The following FIBIN variants were observed in gnomAD, a reference collection of about 807,000 sequenced individuals.
FIBIN encodes the protein fin bud initiation factor homolog (zebrafish).
FIBIN carries 8 observed loss-of-function variants against 13.0 expected under a neutral mutation model. The ratio of observed to expected loss-of-function variants is 0.62; its 90% CI spans 0.36 to 1.11. The LOEUF (loss-of-function observed/expected upper bound fraction) is 1.11, where lower values mean the gene tolerates loss of function less well. Among genes scored for constraint, FIBIN ranks in the 50% most tolerant of loss-of-function variants. The pLI is 0.02. For synonymous variants in FIBIN, 127 were observed against 114.7 expected, an observed-to-expected ratio of 1.11 and a Z score of -0.69; for missense variants, 261 against 260.2, an observed-to-expected ratio of 1.00 and a Z score of -0.02.
chr11:26,994,655 TGAG>T lies in FIBIN; in HGVS notation c.133_135del (p.Glu45del). The T allele has an allele frequency of 6.2e-7, 1 of 1,613,824 alleles. No homozygotes were observed. The highest frequency in any genetic ancestry group is 8.5e-7 in the Non-Finnish European group (1 of 1,179,964). The stretch of plus-strand genomic sequence containing the variant: ...ACTACTTCGTGCCCGATGGGGACTA[TGAG>T]GAGAACGATGACCCCGAGAAGTGCC... On this transcript the variant is annotated inframe_deletion, in exon 1 of 1. Transcript: ENST00000318627.
chr11:26,994,918 C>A lies in FIBIN; in HGVS notation c.392C>A (p.Ser131Tyr). ...TCCCACCAGATCGGGGATGCCTACT[C>A]CAACTCGGACAAATCCCTCACTGAG... ...RESHQIGDAY[S>Y]NSDKSLTELE... is the part of the protein sequence containing the mutation. Residue 131 changes from serine to tyrosine, a missense_variant, in exon 1 of 1, where the codon TCC becomes TAC. Transcript: ENST00000318627. The A allele has an allele frequency of 6.2e-7, 1 of 1,608,378 alleles. No homozygotes were observed. Among genetic ancestry groups the A allele is most frequent in the Non-Finnish European group, 8.5e-7 (1 of 1,176,934 alleles).
rs115913528 is a variant in FIBIN at position 26,996,394 on chromosome 11, A to G, written c.*1232A>G. 8.5e-3 allele frequency among the ~76,000 whole-genome samples: 1,297 copies of G among 152,268 alleles called. 18 individuals are homozygous for G. The highest frequency in any genetic ancestry group is 0.029 in the African/African-American group (1,226 of 41,562). On this transcript the variant is annotated 3_prime_UTR_variant, in exon 1 of 1. Coordinates refer to ENST00000318627, the MANE Select transcript of FIBIN (RefSeq NM_203371.2). ...TTCTCCAGTTTCTCTCATAAATTCA[A>G]TTGCAAAAGTTTCTGACAAGGCTCA... is the stretch of plus-strand genomic sequence containing the variant.
rs1438970418 is a variant in FIBIN, at chr11:26,995,180, C to T, written c.*18C>T. The T allele has an allele frequency of 6.4e-7, 1 of 1,563,294 alleles. No individual in the cohort carries two copies. The highest frequency in any genetic ancestry group is 1.9e-5 in the Admixed American group (1 of 53,260). ...AAGTATAGGTGGAAGGATACAAATG[C>T]TAGAAAGAGGGAATCAAATCAGCCC... On this transcript the variant is annotated 3_prime_UTR_variant, in exon 1 of 1. Coordinates refer to ENST00000318627, the MANE Select transcript of FIBIN (RefSeq NM_203371.2).
Position 26,995,258 on chromosome 11 carries a change from TA to T in FIBIN, c.*97del. On this transcript the variant is annotated 3_prime_UTR_variant, in exon 1 of 1. Coordinates refer to ENST00000318627, the MANE Select transcript of FIBIN (RefSeq NM_203371.2). ...GGGGCTACATTTCCCCCATACCTAC[TA>T]TTTTTTTATATCCCGATTTGCACTT... is the stretch of plus-strand genomic sequence containing the variant. 1 of 1,212,418 alleles carries T rather than the reference TA, an allele frequency of 8.2e-7. No homozygotes were observed. Among genetic ancestry groups the T allele is most frequent in the Non-Finnish European group, 1.1e-6 (1 of 876,654 alleles). 75.1% of individuals were successfully genotyped at this position (1,212,418 alleles called of 1,614,324 possible).
chr11:26,996,932 C>T lies in FIBIN; in HGVS notation c.*1770C>T, dbSNP rs1850938756. Among the ~76,000 whole-genome samples the T allele has an allele frequency of 6.6e-6, 1 of 152,138 alleles. No individual in the cohort carries two copies. Among genetic ancestry groups the T allele is most frequent in the Admixed American group, 6.5e-5 (1 of 15,270 alleles). On this transcript the variant is annotated 3_prime_UTR_variant, in exon 1 of 1. Transcript: ENST00000318627. ...TTACTGTACTTAAAATCAATTATAA[C>T]TTCTTTTTGTTACTCAGGGCCCCAC...
In FIBIN at chr11:26,994,373, A is replaced by G; in HGVS notation, c.-154A>G. 1 of 681,534 alleles carries G rather than the reference A, an allele frequency of 1.5e-6. No individual in the cohort carries two copies. Among genetic ancestry groups the G allele is most frequent in the Non-Finnish European group, 2.4e-6 (1 of 415,720 alleles). 42.2% of individuals were successfully genotyped at this position (681,534 alleles called of 1,614,324 possible). ...GACGCTGGTGTGCAGAGCCACATGA[A>G]GCCTGCTGGGGACTGGGGGCCAGGG... On this transcript the variant is annotated 5_prime_UTR_variant, in exon 1 of 1. Transcript: ENST00000318627.
rs1850922074 is a variant in FIBIN, at chr11:26,995,885, A to G, written c.*723A>G. 6.0e-6 allele frequency: 1 copy of G among 167,012 alleles called. No homozygotes were observed. The highest frequency in any genetic ancestry group is 2.1e-4 in the South Asian group (1 of 4,824). The allele number at this position is 167,012 out of a possible 1,614,324, so 10.3% of individuals were successfully genotyped here. On this transcript the variant is annotated 3_prime_UTR_variant, in exon 1 of 1. Coordinates refer to ENST00000318627, the MANE Select transcript of FIBIN (RefSeq NM_203371.2). ...CTGATATGCTGATTTGCTCTTTCTC[A>G]TTGTATGTCTATGCTTTGTCATCAG...
rs529224418 is a variant in FIBIN, at chr11:26,996,026, T to C, written c.*864T>C. Reference sequence around the variant, plus strand: ...TGGGGTTTTGCTTCTGTCTGTCTGTTTATTGGAAACTTGTACTTCAAGTAG... The same window carrying C: ...TGGGGTTTTGCTTCTGTCTGTCTGTCTATTGGAAACTTGTACTTCAAGTAG... On this transcript the variant is annotated 3_prime_UTR_variant, in exon 1 of 1. Coordinates refer to ENST00000318627, the MANE Select transcript of FIBIN (RefSeq NM_203371.2). 6.0e-6 allele frequency: 1 copy of C among 166,682 alleles called. No homozygotes were observed. The highest frequency in any genetic ancestry group is 1.9e-4 in the East Asian group (1 of 5,190). The allele number at this position is 166,682 out of a possible 1,614,324, so 10.3% of individuals were successfully genotyped here. A position where few individuals can be genotyped will look rare whatever the true frequency, so the allele number is the denominator to read the frequency against.
Position 26,994,539 on chromosome 11 carries a change from A to G in FIBIN, c.13A>G (p.Lys5Glu), listed in dbSNP as rs768707994. MVFL[K>E]FFCMSFFCHL... ...CTGAATATCCAGAATGGTGTTTCTG[A>G]AGTTCTTCTGCATGAGTTTCTTCTG... Residue 5 changes from lysine to glutamate, a missense_variant, in exon 1 of 1, where the codon AAG becomes GAG. Transcript: ENST00000318627. 25 of 1,604,348 alleles carry G rather than the reference A, an allele frequency of 1.6e-5. No homozygotes were observed. In the Admixed American group the frequency reaches 2.4e-4, roughly 15 times the overall value.
In FIBIN at chr11:26,995,986, G is replaced by A. The variant is rs1454733772; in HGVS notation, c.*824G>A. 1.2e-5 allele frequency: 2 copies of A among 166,262 alleles called. No individual in the cohort carries two copies. The highest frequency in any genetic ancestry group is 2.4e-5 in the African/African-American group (1 of 41,456). 10.3% of individuals were successfully genotyped at this position (166,262 alleles called of 1,614,324 possible). ...AATGCCTATGATTTAGGTTACCAAT[G>A]TATTCTTTCTCATTTGGGGTTTTGC... On this transcript the variant is annotated 3_prime_UTR_variant, in exon 1 of 1. Transcript: ENST00000318627.
In FIBIN at chr11:26,995,458, C is replaced by T. The variant is rs1850916978; in HGVS notation, c.*296C>T. 2.1e-5 allele frequency: 6 copies of T among 291,596 alleles called. No homozygotes were observed. In the East Asian group the frequency reaches 3.9e-4, roughly 19 times the overall value. The allele number at this position is 291,596 out of a possible 1,614,324, so 18.1% of individuals were successfully genotyped here. ...GGGTTTCTAATTCTGCAGAGACACCCGTTTCAGCCACATCTAAAAGAGCAC... is the reference window on the plus strand; with the variant it reads ...GGGTTTCTAATTCTGCAGAGACACCTGTTTCAGCCACATCTAAAAGAGCAC... On this transcript the variant is annotated 3_prime_UTR_variant, in exon 1 of 1. Transcript: ENST00000318627.
chr11:26,996,710 C>T lies in FIBIN; in HGVS notation c.*1548C>T, dbSNP rs532774189. 1.6e-4 allele frequency among the ~76,000 whole-genome samples: 25 copies of T among 152,232 alleles called. No homozygotes were observed. In the East Asian group the frequency reaches 4.0e-3, roughly 25 times the overall value. On this transcript the variant is annotated 3_prime_UTR_variant, in exon 1 of 1. Coordinates refer to ENST00000318627, the MANE Select transcript of FIBIN (RefSeq NM_203371.2). Reference sequence around the variant, plus strand: ...TCCCTTGAATAAGAAAATAAGTTTTCCATTCCTATGAACTGTCTAATATCT... The same window carrying T: ...TCCCTTGAATAAGAAAATAAGTTTTTCATTCCTATGAACTGTCTAATATCT...
At position 26,994,439 on chromosome 11, in the gene FIBIN, G is replaced by A; in HGVS notation, c.-88G>A. On this transcript the variant is annotated 5_prime_UTR_variant, in exon 1 of 1. Coordinates refer to ENST00000318627, the MANE Select transcript of FIBIN (RefSeq NM_203371.2). ...GGGACTGAGGCGGACGCTGTCTCAG[G>A]GAGACGCTGACTCGCAAAGACACTC... 1 of 1,310,252 alleles carries A rather than the reference G, an allele frequency of 7.6e-7. No individual in the cohort carries two copies. The highest frequency in any genetic ancestry group is 1.1e-6 in the Non-Finnish European group (1 of 946,882). The allele number at this position is 1,310,252 out of a possible 1,614,324, so 81.2% of individuals were successfully genotyped here.
rs530728345 is a variant in FIBIN, at chr11:26,994,540, A to G, written c.14A>G (p.Lys5Arg). The G allele has an allele frequency of 3.8e-4, 611 of 1,604,394 alleles. 5 individuals are homozygous for G. The South Asian group carries it at 6.5e-3, about 17-fold the overall frequency. The stretch of plus-strand genomic sequence containing the variant: ...TGAATATCCAGAATGGTGTTTCTGA[A>G]GTTCTTCTGCATGAGTTTCTTCTGC... MVFL[K>R]FFCMSFFCHL... The change falls in exon 1 of 1, where the codon AAG becomes AGG. Residue 5 changes from lysine to arginine, a missense_variant. Lys to Arg is a conservative substitution (Grantham distance 26, BLOSUM62 2). Coordinates refer to ENST00000318627, the MANE Select transcript of FIBIN (RefSeq NM_203371.2).
At position 26,994,386 on chromosome 11, in the gene FIBIN, C is replaced by T. The variant is rs1850899033; in HGVS notation, c.-141C>T. 1 of 763,892 alleles carries T rather than the reference C, an allele frequency of 1.3e-6. No individual in the cohort carries two copies. Among genetic ancestry groups the T allele is most frequent in the East Asian group, 2.6e-5 (1 of 37,820 alleles). The allele number at this position is 763,892 out of a possible 1,614,324, so 47.3% of individuals were successfully genotyped here. A position where few individuals can be genotyped will look rare whatever the true frequency, so the allele number is the denominator to read the frequency against. ...AGAGCCACATGAAGCCTGCTGGGGA[C>T]TGGGGGCCAGGGAGCAGCAAGCCAG... On this transcript the variant is annotated 5_prime_UTR_variant, in exon 1 of 1. Transcript: ENST00000318627.
In FIBIN at chr11:26,995,064, T is replaced by C. The variant is rs199891167; in HGVS notation, c.538T>C (p.Ser180Pro). The change falls in exon 1 of 1, where the codon TCT becomes CCT. Residue 180 changes from serine to proline, a missense_variant. Transcript: ENST00000318627. ...RSLLKETLDI[S>P]VGLRDKYELL... ...CCTGCTGAAGGAGACACTGGACATC[T>C]CTGTGGGGCTCAGGGACAAATACGA... is the stretch of plus-strand genomic sequence containing the variant. The C allele has an allele frequency of 7.8e-5, 126 of 1,613,910 alleles. No individual in the cohort carries two copies. The highest frequency in any genetic ancestry group is 8.5e-6 in the Non-Finnish European group (10 of 1,180,006).
Position 26,995,003 on chromosome 11 carries a change from C to T in FIBIN, c.477C>T (p.Asn159=). 1 of 1,614,056 alleles carries T rather than the reference C, an allele frequency of 6.2e-7. No individual in the cohort carries two copies. The highest frequency in any genetic ancestry group is 8.5e-7 in the Non-Finnish European group (1 of 1,180,000). Residue 159 remains asparagine (N), a synonymous_variant, in exon 1 of 1, where the codon AAC becomes AAT. Transcript: ENST00000318627. Reference sequence around the variant, plus strand: ...ACAGCCGGCAGGAGAGCAGGCTCAACGAGGACTTTCTGGGAATGCTGGTCC... The same window carrying T: ...ACAGCCGGCAGGAGAGCAGGCTCAATGAGGACTTTCTGGGAATGCTGGTCC... The part of the protein sequence containing the change: ...EQDSRQESRL[N]EDFLGMLVHT...
Position 26,996,515 on chromosome 11 carries a change from G to A in FIBIN, c.*1353G>A, listed in dbSNP as rs572549619. ...GCCAGGTCTACATTATTTAATTAATGGCTTCAAAAGGTGGAGATGCACTTT... is the reference window on the plus strand; with the variant it reads ...GCCAGGTCTACATTATTTAATTAATAGCTTCAAAAGGTGGAGATGCACTTT... On this transcript the variant is annotated 3_prime_UTR_variant, in exon 1 of 1. Transcript: ENST00000318627. Among the ~76,000 whole-genome samples the A allele has an allele frequency of 1.3e-4, 20 of 152,088 alleles. No individual in the cohort carries two copies. The highest frequency in any genetic ancestry group is 4.6e-4 in the African/African-American group (19 of 41,488).
At position 26,995,151 on chromosome 11, in the gene FIBIN, C is replaced by A; in HGVS notation, c.625C>A (p.Leu209Ile). 2 of 1,601,040 alleles carry A rather than the reference C, an allele frequency of 1.2e-6. No individual in the cohort carries two copies. The highest frequency in any genetic ancestry group is 1.3e-5 in the African/African-American group (1 of 74,590). The change falls in exon 1 of 1, where the codon CTT becomes ATT. Residue 209 changes from leucine (L) to isoleucine (I), a missense_variant. Transcript: ENST00000318627. ...TRLGRLKNDY[L>I]KV ...ACTAGGTCGGCTGAAAAATGATTATCTTAAAGTATAGGTGGAAGGATACAA... is the reference window on the plus strand; with the variant it reads ...ACTAGGTCGGCTGAAAAATGATTATATTAAAGTATAGGTGGAAGGATACAA...
Sources: gnomAD v4.1 joint callset for allele counts (sites outside exome capture counted in the v4.1 genomes callset) on GRCh38, gnomAD v4.1.1 for gene constraint, MANE v1.5 for transcripts, NCBI Gene and HGNC (gene_info 2026-07-23, HGNC 2026-07-21) for gene names.